The following MDGA2 variants were observed in gnomAD, a reference collection of about 807,000 sequenced individuals.
MDGA2 encodes MAM domain containing glycosylphosphatidylinositol anchor 2.
In MDGA2, 40 loss-of-function variants were observed where a neutral mutation model predicts 117.8. That is an observed-to-expected ratio of 0.34 (90% CI 0.26 to 0.44). The LOEUF is 0.44. MDGA2 is among the 20% of genes least tolerant of loss of function. The pLI, the probability that MDGA2 is intolerant of heterozygous loss-of-function variation, is 1.00. For missense variants in MDGA2, 1,123 were observed against 1,250.6 expected, an observed-to-expected ratio of 0.90 and a Z score of 1.54; for synonymous variants, 452 against 439.0, an observed-to-expected ratio of 1.03 and a Z score of -0.37.
At chr14:46,934,076 C>T (rs1042003876) in intron 9 of MDGA2, among the ~76,000 whole-genome samples, 5 of 151,592 alleles carry the variant, frequency 3.3e-5, no homozygotes, top group African/African-American at 4.8e-5. Context: ...ATAGTTTTTA[C>T]ACTTGGCATG....
At chr14:47,113,120 T>C (rs1171413378) in intron 5 of MDGA2, among the ~76,000 whole-genome samples, 11 of 152,160 alleles carry the variant, frequency 7.2e-5, no homozygotes, top group Non-Finnish European at 2.9e-5. Context: ...CTTAAGTTCA[T>C]TGTAGATTCT....
intron 1 of MDGA2, among the ~76,000 whole-genome samples, chr14:47,434,695 G>A (rs960707942): frequency 6.6e-6 from 1 of 151,942 alleles, no homozygotes; most frequent in African/African-American, 2.4e-5. Context: ...GTGTTAAATG[G>A]GCTAATATAA....
chr14:47,512,545 A>C (rs921149757), intron 1 of MDGA2, among the ~76,000 whole-genome samples: 7 of 152,172 alleles, frequency 4.6e-5, no homozygotes, highest in African/African-American at 1.7e-4. Flanking sequence ...TGAATGACTT[A>C]TTAAGAGATG....
chr14:47,538,752 C>T (rs546759853), intron 1 of MDGA2, among the ~76,000 whole-genome samples: 2 of 152,140 alleles, frequency 1.3e-5, no homozygotes, highest in South Asian at 4.1e-4. Context: ...GGTAAAAATC[C>T]CCTTGTCTAC....
At chr14:47,032,459 C>T (rs1367717860) in intron 8 of MDGA2, among the ~76,000 whole-genome samples, 2 of 151,916 alleles carry the variant, frequency 1.3e-5, no homozygotes, top group African/African-American at 4.8e-5. Flanking sequence ...TGGAGGTGCA[C>T]ACTTGTAGTC....
At chr14:46,919,665 G>A (rs1884048207) in intron 10 of MDGA2, among the ~76,000 whole-genome samples, 1 of 152,094 alleles carries the variant, frequency 6.6e-6, no homozygotes, top group African/African-American at 2.4e-5. Context: ...TGCAGTATAG[G>A]TGAGTGTGAG....
At chr14:46,904,452 G>T (rs55871403) in intron 10 of MDGA2, among the ~76,000 whole-genome samples, 2 of 151,714 alleles carry the variant, frequency 1.3e-5, no homozygotes, top group Non-Finnish European at 2.9e-5. Flanking sequence ...ATTAATAGCA[G>T]AAGTGCTAAT....
chr14:47,588,388 G>C (rs1896372942), intron 1 of MDGA2, among the ~76,000 whole-genome samples: 1 of 150,958 alleles, frequency 6.6e-6, no homozygotes, highest in African/African-American at 2.4e-5. Flanking sequence ...AATGTATGAG[G>C]GTATCAATTT....
At chr14:47,211,089 A>AACATAATTATG (rs1885865508) in intron 3 of MDGA2, among the ~76,000 whole-genome samples, 1 of 152,196 alleles carries the variant, frequency 6.6e-6, no homozygotes. Context: ...GTAAAAGTTC[A>AACATAATTATG]ACATAATTAT....
intron 1 of MDGA2, among the ~76,000 whole-genome samples, chr14:47,347,122 A>C (rs1382123418): frequency 6.6e-6 from 1 of 152,226 alleles, no homozygotes; most frequent in African/African-American, 2.4e-5. Context: ...TAGGGGACCA[A>C]CTAAACAGAG....
intron 1 of MDGA2, among the ~76,000 whole-genome samples, chr14:47,496,659 G>C (rs978690403): frequency 1.3e-5 from 2 of 151,810 alleles, no homozygotes; most frequent in Non-Finnish European, 1.5e-5. Flanking sequence ...GTTGGAATTA[G>C]AGATTAAGTA....
intron 1 of MDGA2, among the ~76,000 whole-genome samples, chr14:47,362,017 A>G (rs2138372674): frequency 6.6e-6 from 1 of 152,288 alleles, no homozygotes; most frequent in Non-Finnish European, 1.5e-5. Flanking sequence ...TGCAAAATAG[A>G]AAGTTTGTAA....
intron 6 of MDGA2, among the ~76,000 whole-genome samples, chr14:47,079,242 T>C (rs942859517): frequency 6.6e-6 from 1 of 152,068 alleles, no homozygotes; most frequent in African/African-American, 2.4e-5. Context: ...GTGGATAATT[T>C]CTCATTAATA....
chr14:47,544,971 T>C (rs1366574073), intron 1 of MDGA2, among the ~76,000 whole-genome samples: 1 of 152,190 alleles, frequency 6.6e-6, no homozygotes. Context: ...CCAAGGTAAG[T>C]GAGTATAAAA....
intron 2 of MDGA2, among the ~76,000 whole-genome samples, chr14:47,265,839 G>A (rs560092435): frequency 6.6e-6 from 1 of 152,108 alleles, no homozygotes; most frequent in Admixed American, 6.5e-5. Flanking sequence ...TAACACAGAA[G>A]TTTAAAATTT....
At chr14:47,230,507 C>T (rs1435039421) in intron 2 of MDGA2, among the ~76,000 whole-genome samples, 1 of 151,938 alleles carries the variant, frequency 6.6e-6, no homozygotes, top group Non-Finnish European at 1.5e-5. Context: ...ACATCTGCCC[C>T]TCTGCATTTT....
intron 1 of MDGA2, among the ~76,000 whole-genome samples, chr14:47,632,635 T>C (rs760464853): frequency 1.8e-4 from 28 of 152,226 alleles, no homozygotes; most frequent in Non-Finnish European, 2.5e-4. Context: ...TATGGTCTTA[T>C]AGCATGTGAT....
intron 8 of MDGA2, among the ~76,000 whole-genome samples, chr14:47,020,587 G>C (rs1888252546): frequency 7.5e-6 from 1 of 133,862 alleles, no homozygotes; most frequent in Admixed American, 7.1e-5. Flanking sequence ...AGGAAGAGAG[G>C]AAAGAGAGAG....
chr14:47,140,492 A>G (rs953199183), intron 4 of MDGA2, among the ~76,000 whole-genome samples: 4 of 152,088 alleles, frequency 2.6e-5, no homozygotes, highest in Non-Finnish European at 4.4e-5. Context: ...ATAGAGACCA[A>G]TGGAATGGAA....
Sources: gnomAD v4.1 joint callset for allele counts (sites outside exome capture counted in the v4.1 genomes callset) on GRCh38, gnomAD v4.1.1 for gene constraint, MANE v1.5 for transcripts, NCBI Gene and HGNC (gene_info 2026-07-23, HGNC 2026-07-21) for gene names.